HMGCL: variants seen among roughly 807,000 people sequenced by gnomAD.
HMGCL encodes the protein 3-hydroxy-3-methylglutaryl-CoA lyase.
HMGCL carries 26 observed loss-of-function variants against 37.3 expected under a neutral mutation model. The ratio of observed to expected loss-of-function variants is 0.70; its 90% CI spans 0.51 to 0.97. HMGCL has a LOEUF of 0.97. Ranked by LOEUF, HMGCL falls within the 50% of genes least tolerant of loss-of-function variation. The probability of loss-of-function intolerance (pLI) is 0.00; values close to 1 mark genes in which losing one functional copy is unlikely to be tolerated. For missense variants in HMGCL, 379 were observed against 398.1 expected (o/e 0.95, Z 0.41); for synonymous variants, 151 against 148.0 (o/e 1.02, Z -0.15).
In HMGCL at chr1:23,823,160, G is replaced by A. The variant is rs1638752566; in HGVS notation, c.60+2196C>T. Among the ~76,000 whole-genome samples, 6 of 126,544 alleles carry A rather than the reference G, an allele frequency of 4.7e-5. 1 individual carries two copies. The South Asian group carries it at 1.4e-3, about 29-fold the overall frequency. The allele number at this position is 126,544 out of a possible 152,430, so 83.0% of individuals were successfully genotyped here. ...CATTGTACTCCAGCCTGGGGTACAA[G>A]AGCGAGACTTCTTCATCTCAAAAAA... On this transcript the variant is annotated intron_variant, in intron 1 of 8. Coordinates refer to ENST00000374490, the MANE Select transcript of HMGCL (RefSeq NM_000191.3).
chr1:23,803,742 C>T (rs1363020510), intron 8 of HMGCL: 1 of 152,422 alleles, frequency 6.6e-6, no homozygotes, highest in Admixed American at 6.5e-5. Flanking sequence ...GTCTCATAGC[C>T]TGGGAGTGGC....
At chr1:23,807,078 T>C (rs1638424468) in intron 7 of HMGCL, 1 of 518,910 alleles carries the variant, frequency 1.9e-6, no homozygotes, top group South Asian at 1.4e-5. Flanking sequence ...GAGATATCAC[T>C]GCCATGAAAC....
intron 8 of HMGCL, 77 bp from the exon 9 acceptor site, chr1:23,802,641 C>A: frequency 1.1e-6 from 1 of 916,802 alleles, no homozygotes; most frequent in East Asian, 2.4e-5. Context: ...CATGGACAGA[C>A]AACTGTGATA....
chr1:23,813,573 C>A (rs1311441651), intron 5 of HMGCL, among the ~76,000 whole-genome samples: 11 of 152,060 alleles, frequency 7.2e-5, no homozygotes, highest in Admixed American at 7.2e-4. Context: ...CGGCCTCTGG[C>A]TGCAATTTGC....
At chr1:23,808,046 A>G in intron 7 of HMGCL, 89 bp downstream of exon 7, 1 of 1,221,556 alleles carries the variant, frequency 8.2e-7, no homozygotes. Context: ...GCATACTGGC[A>G]TCAGTAAATG....
chr1:23,804,393 G>T lies in HMGCL; in HGVS notation c.876+7C>A. On this transcript the variant is annotated splice_region_variant and intron_variant, in intron 8 of 8. Transcript: ENST00000374490. Reference sequence around the variant, plus strand: ...GGCTGTCGCCACCAGGGGGTGGGTGGGCTTACCGTGTGAATGCCCAAGCCC... The same window carrying T: ...GGCTGTCGCCACCAGGGGGTGGGTGTGCTTACCGTGTGAATGCCCAAGCCC... 1 of 1,614,124 alleles carries T rather than the reference G, an allele frequency of 6.2e-7. No homozygotes were observed. The highest frequency in any genetic ancestry group is 1.1e-5 in the South Asian group (1 of 91,088).
At chr1:23,816,341 G>A (rs1177924779) in intron 4 of HMGCL, 1 of 364,722 alleles carries the variant, frequency 2.7e-6, no homozygotes, top group African/African-American at 2.1e-5. Flanking sequence ...GGAGAGTTTG[G>A]TTACATTTCT....
chr1:23,816,294 GT>G (rs1248938524), intron 4 of HMGCL: 3 of 311,138 alleles, frequency 9.6e-6, no homozygotes, highest in Non-Finnish European at 1.9e-5. Context: ...TTGTAAGAAA[GT>G]TGGCAGATGC....
chr1:23,808,357 A>T, intron 6 of HMGCL, 34 bp from the exon 7 acceptor site: 1 of 1,573,202 alleles, frequency 6.4e-7, no homozygotes, highest in Non-Finnish European at 8.8e-7. Context: ...GAGGATACAG[A>T]ATCCACCAGC....
In HMGCL at chr1:23,802,221, G is replaced by A. The variant is rs1289249413; in HGVS notation, c.*242C>T. On this transcript the variant is annotated 3_prime_UTR_variant, in exon 9 of 9. Transcript: ENST00000374490. ...GCATTCAACTCCTGGGCCAGGGTCCGTAACAAAGGGAGACTTCAGCCCTCA... is the reference window on the plus strand; with the variant it reads ...GCATTCAACTCCTGGGCCAGGGTCCATAACAAAGGGAGACTTCAGCCCTCA... The A allele has an allele frequency of 1.5e-5, 9 of 600,582 alleles. No homozygotes were observed. In the East Asian group the frequency reaches 2.5e-4, roughly 16 times the overall value. The allele number at this position is 600,582 out of a possible 1,614,324, so 37.2% of individuals were successfully genotyped here.
intron 1 of HMGCL, among the ~76,000 whole-genome samples, chr1:23,823,635 G>A (rs1350947286): frequency 2.0e-5 from 3 of 152,092 alleles, no homozygotes; most frequent in Admixed American, 6.6e-5. Flanking sequence ...TTATAGGCAT[G>A]AGCCACCACG....
At chr1:23,809,232 A>G (rs1557488265) in intron 6 of HMGCL, 1 of 71,644 alleles carries the variant, frequency 1.4e-5, no homozygotes, top group African/African-American at 5.9e-5. Context: ...ATATATATAT[A>G]TATATATTTT....
chr1:23,807,927 G>T (rs1570645077), intron 7 of HMGCL, among the ~76,000 whole-genome samples: 1 of 152,180 alleles, frequency 6.6e-6, no homozygotes, highest in Non-Finnish European at 1.5e-5. Context: ...TCATAATGCA[G>T]TGGGATTGCC....
intron 5 of HMGCL, 35 bp from the exon 6 acceptor site, chr1:23,810,834 C>G (rs758775900): frequency 6.3e-7 from 1 of 1,590,242 alleles, no homozygotes; most frequent in Admixed American, 1.7e-5. Flanking sequence ...AGGTCAGTGT[C>G]CTGAGCTTTT....
At chr1:23,815,957 C>T (rs577293386) in intron 4 of HMGCL, among the ~76,000 whole-genome samples, 1 of 151,938 alleles carries the variant, frequency 6.6e-6, no homozygotes, top group African/African-American at 2.4e-5. Context: ...GCTGTGTCAC[C>T]CAGGCTGGAA....
chr1:23,811,468 C>A (rs925281972), intron 5 of HMGCL, among the ~76,000 whole-genome samples: 1 of 152,118 alleles, frequency 6.6e-6, no homozygotes, highest in Non-Finnish European at 1.5e-5. Context: ...AAGTGATGTG[C>A]CACAGAGGAA....
chr1:23,808,802 G>T (rs2502986), intron 6 of HMGCL, among the ~76,000 whole-genome samples: 84,321 of 145,962 alleles, frequency 0.58, 24,274 homozygotes, highest in South Asian at 0.71. Flanking sequence ...GAGTGCAGTG[G>T]TGTGATCTCG....
chr1:23,822,892 C>T (rs1366758733), intron 1 of HMGCL, among the ~76,000 whole-genome samples: 1 of 152,146 alleles, frequency 6.6e-6, no homozygotes, highest in African/African-American at 2.4e-5. Flanking sequence ...AAACCTGCTT[C>T]AGGCCAAGCG....
Position 23,814,474 on chromosome 1 carries a change from G to C in HMGCL, c.349-136C>G, listed in dbSNP as rs548327568. The C allele has an allele frequency of 7.3e-6, 7 of 964,494 alleles. No homozygotes were observed. The South Asian group carries it at 8.2e-5, about 11-fold the overall frequency. 59.7% of individuals were successfully genotyped at this position (964,494 alleles called of 1,614,324 possible). A position where few individuals can be genotyped will look rare whatever the true frequency, so the allele number is the denominator to read the frequency against. On this transcript the variant is annotated intron_variant, in intron 4 of 8. Coordinates refer to ENST00000374490, the MANE Select transcript of HMGCL (RefSeq NM_000191.3). ...CAACCTCCACCTCCTGGGTTCAAGC[G>C]ATTCTCCTGCCTCAGCCTCCTGAGT...
Sources: gnomAD v4.1 joint callset for allele counts (sites outside exome capture counted in the v4.1 genomes callset) on GRCh38, gnomAD v4.1.1 for gene constraint, MANE v1.5 for transcripts, NCBI Gene and HGNC (gene_info 2026-07-23, HGNC 2026-07-21) for gene names.